The following ATXN1 variants were observed in gnomAD, a reference collection of about 807,000 sequenced individuals.
The protein encoded by ATXN1 is ataxin 1, also known as ataxin-1.
Under a neutral mutation model 56.4 loss-of-function variants are expected in ATXN1, and 8 were observed. The ratio of observed to expected loss-of-function variants is 0.14; its 90% confidence interval spans 0.08 to 0.26. ATXN1 has a LOEUF of 0.26. Ranked by LOEUF, ATXN1 falls within the 10% of genes least tolerant of loss-of-function variation. ATXN1 has a pLI of 1.00. For synonymous variants in ATXN1, 514 were observed against 494.6 expected (o/e 1.04, Z -0.52); for missense variants, 987 against 1,106.5 (o/e 0.89, Z 1.53).
intron 4 of ATXN1, among the ~76,000 whole-genome samples, chr6:16,544,166 C>T (rs537116881): frequency 3.9e-5 from 6 of 152,318 alleles, no homozygotes; most frequent in African/African-American, 1.2e-4. Flanking sequence ...TCCGATTCCA[C>T]GCTCCTCGTC....
At chr6:16,600,109 C>A (rs932801493) in intron 3 of ATXN1, among the ~76,000 whole-genome samples, 3 of 152,142 alleles carry the variant, frequency 2.0e-5, no homozygotes, top group Admixed American at 2.0e-4. Flanking sequence ...ATCTTGGGGT[C>A]ATCCATTGTA....
At chr6:16,515,846 C>T (rs1055863209) in intron 5 of ATXN1, among the ~76,000 whole-genome samples, 13 of 152,176 alleles carry the variant, frequency 8.5e-5, no homozygotes, top group Admixed American at 6.5e-4. Context: ...GTGGTCCATA[C>T]ACCTGGGATG....
intron 7 of ATXN1, among the ~76,000 whole-genome samples, chr6:16,307,982 C>A (rs2113375674): frequency 6.6e-6 from 1 of 152,186 alleles, no homozygotes; most frequent in South Asian, 2.1e-4. Flanking sequence ...GGCAAAACCC[C>A]ATCTCTACTA....
intron 3 of ATXN1, among the ~76,000 whole-genome samples, chr6:16,589,407 A>G (rs940846332): frequency 4.6e-5 from 7 of 151,176 alleles, no homozygotes; most frequent in African/African-American, 1.7e-4. Flanking sequence ...GCACACATAT[A>G]TATTATATAA....
At chr6:16,759,574 C>T (rs1761003156) in intron 1 of ATXN1, among the ~76,000 whole-genome samples, 1 of 109,714 alleles carries the variant, frequency 9.1e-6, no homozygotes, top group Non-Finnish European at 1.7e-5. Context: ...TACTACTCTT[C>T]AGCAATTTCC....
At chr6:16,353,541 G>C (rs1359549087) in intron 6 of ATXN1, among the ~76,000 whole-genome samples, 1 of 152,162 alleles carries the variant, frequency 6.6e-6, no homozygotes, top group African/African-American at 2.4e-5. Context: ...AGGCATGGTG[G>C]CTTGTGCCTG....
At chr6:16,640,640 G>A (rs1317675295) in intron 3 of ATXN1, among the ~76,000 whole-genome samples, 2 of 151,480 alleles carry the variant, frequency 1.3e-5, no homozygotes, top group Non-Finnish European at 1.5e-5. Flanking sequence ...CAGAGATCGT[G>A]CCACTGCACT....
At chr6:16,316,784 A>T (rs1760519397) in intron 7 of ATXN1, among the ~76,000 whole-genome samples, 1 of 151,264 alleles carries the variant, frequency 6.6e-6, no homozygotes, top group South Asian at 2.1e-4. Flanking sequence ...AAACTGAAAG[A>T]ATAGTTCTGT....
intron 6 of ATXN1, among the ~76,000 whole-genome samples, chr6:16,444,445 T>C (rs1363933859): frequency 6.6e-6 from 1 of 152,170 alleles, no homozygotes; most frequent in East Asian, 1.9e-4. Context: ...AGGATCCCAA[T>C]GCTCAGACAG....
rs140190736 is a variant in ATXN1, at chr6:16,348,598, G to A, written c.-160-20128C>T. On this transcript the variant is annotated intron_variant, in intron 6 of 7. Transcript: ENST00000436367. ...GTGCCTGTAATTCCAGGGAGGCTGA[G>A]GCAGAAGAATCACTTGAACCCGCGA... Among the ~76,000 whole-genome samples the A allele has an allele frequency of 1.1e-3, 171 of 152,176 alleles. No homozygotes were observed. The East Asian group carries it at 0.025, about 22-fold the overall frequency.
At chr6:16,626,221 TATTAAA>T (rs1763403920) in intron 3 of ATXN1, among the ~76,000 whole-genome samples, 1 of 152,264 alleles carries the variant, frequency 6.6e-6, no homozygotes, top group Non-Finnish European at 1.5e-5. Flanking sequence ...CTGAAAAGGC[TATTAAA>T]ATGGTCATGT....
intron 3 of ATXN1, among the ~76,000 whole-genome samples, chr6:16,639,332 T>A (rs1763661770): frequency 6.6e-6 from 1 of 152,206 alleles, no homozygotes; most frequent in Admixed American, 6.5e-5. Context: ...GGCTCCATTC[T>A]TGAAGTCAGC....
At chr6:16,731,103 G>A (rs769167839) in intron 2 of ATXN1, among the ~76,000 whole-genome samples, 2 of 152,078 alleles carry the variant, frequency 1.3e-5, no homozygotes, top group Non-Finnish European at 2.9e-5. Context: ...TGTATAACTG[G>A]CTCAAATGCC....
In ATXN1 at chr6:16,328,771, T is replaced by C. The variant is rs1760911716; in HGVS notation, c.-160-301A>G. Among the ~76,000 whole-genome samples, 1 of 151,978 alleles carries C rather than the reference T, an allele frequency of 6.6e-6. No homozygotes were observed. The highest frequency in any genetic ancestry group is 2.1e-4 in the South Asian group (1 of 4,826). On this transcript the variant is annotated intron_variant, in intron 6 of 7. Transcript: ENST00000436367. This position sits in a 1 kb window ranked among gnomAD's most constrained non-coding sequence, Gnocchi z 6.2. The stretch of plus-strand genomic sequence containing the variant: ...CAAAAATAAAAAATAAAAAACAAAT[T>C]TAGCCTGGTGTAACATTAGCTGGCA...
intron 2 of ATXN1, among the ~76,000 whole-genome samples, chr6:16,705,722 G>A (rs953814839): frequency 7.2e-5 from 11 of 152,136 alleles, no homozygotes; most frequent in Admixed American, 2.0e-4. Context: ...TGCAGAAGCC[G>A]CAGCACACAG....
intron 6 of ATXN1, among the ~76,000 whole-genome samples, chr6:16,377,946 T>C (rs2113500977): frequency 2.0e-5 from 3 of 152,332 alleles, no homozygotes; most frequent in Admixed American, 2.0e-4. Context: ...GTATGTAATA[T>C]GACAAGCAAT....
intron 6 of ATXN1, among the ~76,000 whole-genome samples, chr6:16,458,612 G>T (rs1009926505): frequency 2.6e-5 from 4 of 152,302 alleles, no homozygotes; most frequent in Admixed American, 2.0e-4. Context: ...GAGAAAGGCC[G>T]CAGCCTCAGT....
chr6:16,595,062 G>C (rs1256286957), intron 3 of ATXN1, among the ~76,000 whole-genome samples: 1 of 152,176 alleles, frequency 6.6e-6, no homozygotes, highest in Non-Finnish European at 1.5e-5. Flanking sequence ...TACATGAAGT[G>C]CCAGGGGCCA....
chr6:16,694,070 A>G (rs1452311970), intron 2 of ATXN1, among the ~76,000 whole-genome samples: 1 of 152,212 alleles, frequency 6.6e-6, no homozygotes, highest in Non-Finnish European at 1.5e-5. Flanking sequence ...TTTCAAATAG[A>G]CTTTTGTTCT....
Sources: allele counts gnomAD v4.1 joint callset (sites outside exome capture counted in the v4.1 genomes callset), GRCh38; gene constraint gnomAD v4.1.1; non-coding constraint Gnocchi (gnomAD v3.1); transcripts MANE v1.5; gene names NCBI Gene and HGNC (gene_info 2026-07-23, HGNC 2026-07-21).